PRR5: variants seen among roughly 807,000 people sequenced by gnomAD.
PRR5 encodes proline rich 5.
Under a neutral mutation model 30.6 loss-of-function variants are expected in PRR5, and 25 were observed. The ratio of observed to expected loss-of-function variants is 0.82; its 90% CI spans 0.60 to 1.14. The LOEUF (loss-of-function observed/expected upper bound fraction) is 1.14. Among genes scored for constraint, PRR5 ranks in the 50% most tolerant of loss-of-function variants. The pLI is 0.00. For synonymous variants in PRR5, 286 were observed against 247.1 expected (o/e 1.16, Z -1.48); for missense variants, 600 against 547.1 (o/e 1.10, Z -0.96).
intron 1 of PRR5, among the ~76,000 whole-genome samples, chr22:44,687,869 G>A (rs1181704313): frequency 1.3e-5 from 2 of 152,040 alleles, no homozygotes; most frequent in Non-Finnish European, 2.9e-5. Context: ...CCGCCTCCCG[G>A]GTTCAAGCGA....
chr22:44,701,824 G>T (rs1019873064), upstream of PRR5, among the ~76,000 whole-genome samples: 1 of 152,182 alleles, frequency 6.6e-6, no homozygotes, highest in Non-Finnish European at 1.5e-5. Context: ...GAGGGGTACG[G>T]AGGCACCTCT....
At chr22:44,705,799 T>C (rs2147027046) in intron 1 of PRR5, among the ~76,000 whole-genome samples, 1 of 149,660 alleles carries the variant, frequency 6.7e-6, no homozygotes, top group South Asian at 2.1e-4. Context: ...TAATTTTTGT[T>C]TTTGTTTTTG....
At chr22:44,720,762 TGGG>T (rs943870336) in intron 2 of PRR5, among the ~76,000 whole-genome samples, 1 of 152,004 alleles carries the variant, frequency 6.6e-6, no homozygotes, top group African/African-American at 2.4e-5. Context: ...ACCGTGCAAA[TGGG>T]GGGATGCTCA....
chr22:44,714,912 C>T (rs1238940622), intron 2 of PRR5, among the ~76,000 whole-genome samples: 2 of 152,228 alleles, frequency 1.3e-5, no homozygotes, highest in Non-Finnish European at 2.9e-5. Context: ...GGTGGCCCTG[C>T]ACCCCCACAG....
chr22:44,733,077 G>A (rs543843784), intron 6 of PRR5, among the ~76,000 whole-genome samples: 1 of 152,380 alleles, frequency 6.6e-6, no homozygotes, highest in East Asian at 1.9e-4. Flanking sequence ...CAGTGTCCCA[G>A]TCATTTCTGC....
intron 1 of PRR5, among the ~76,000 whole-genome samples, chr22:44,705,601 A>G (rs1018617679): frequency 6.6e-6 from 1 of 151,876 alleles, no homozygotes; most frequent in Non-Finnish European, 1.5e-5. Flanking sequence ...CTGGGATTAC[A>G]GGTGTGAGCC....
At chr22:44,674,160 C>CTT (rs879281909), upstream of PRR5, among the ~76,000 whole-genome samples, 1 of 142,486 alleles carries the variant, frequency 7.0e-6, no homozygotes. Flanking sequence ...GTTTTCTTTT[C>CTT]TTTTTTTTTT....
Position 44,718,192 on chromosome 22 carries a change from C to CTTTTTTTTTT in PRR5, c.215+3532_215+3541dup, listed in dbSNP as rs34868054. Among the ~76,000 whole-genome samples the CTTTTTTTTTT allele has an allele frequency of 7.1e-3, 672 of 94,560 alleles. 30 individuals are homozygous for CTTTTTTTTTT. The highest frequency in any genetic ancestry group is 8.4e-3 in the African/African-American group (197 of 23,504). The allele number at this position is 94,560 out of a possible 152,430, so 62.0% of individuals were successfully genotyped here. A position where few individuals can be genotyped will look rare whatever the true frequency, so the allele number is the denominator to read the frequency against. On this transcript the variant is annotated intron_variant, in intron 2 of 7. Transcript: ENST00000336985. ...TGTGTGGATGCACGTTTTCATCTCT[C>CTTTTTTTTTT]TTTTTTTTTTTTTTTTTTTTGAGAC... is the stretch of plus-strand genomic sequence containing the variant.
chr22:44,693,639 T>TTC (rs1925481817), intron 1 of PRR5, among the ~76,000 whole-genome samples: 2 of 139,892 alleles, frequency 1.4e-5, no homozygotes, highest in South Asian at 4.8e-4. Flanking sequence ...TTTTTTTTTT[T>TTC]CTGAGGTGGA....
At chr22:44,686,589 C>G (rs149570797) in intron 1 of PRR5, among the ~76,000 whole-genome samples, 8,245 of 152,186 alleles carry the variant, frequency 0.054, 393 homozygotes, top group African/African-American at 0.14. Flanking sequence ...TTGGCTCACT[C>G]ACTGCAACCT....
chr22:44,670,926 C>T (rs865842428), intron 1 of PRR5, among the ~76,000 whole-genome samples: 1 of 152,180 alleles, frequency 6.6e-6, no homozygotes, highest in Non-Finnish European at 1.5e-5. Context: ...TCTTCTGGGA[C>T]ATGTGTGAGA....
chr22:44,717,341 A>G (rs1005729951), intron 2 of PRR5, among the ~76,000 whole-genome samples: 5 of 151,370 alleles, frequency 3.3e-5, no homozygotes, highest in African/African-American at 1.2e-4. Flanking sequence ...ACAGGCACAC[A>G]TCACCACGCC....
upstream of PRR5, chr22:44,702,198 G>GC: frequency 9.5e-7 from 1 of 1,049,304 alleles, no homozygotes; most frequent in Non-Finnish European, 1.2e-6. Flanking sequence ...CCCCGGGTCC[G>GC]CCCCCGGCCT....
intron 1 of PRR5, among the ~76,000 whole-genome samples, chr22:44,702,998 G>C (rs1926591716): frequency 6.6e-6 from 1 of 152,328 alleles, no homozygotes; most frequent in South Asian, 2.1e-4. Context: ...GGCTGAGCAC[G>C]GGAGCCTCGG....
At chr22:44,694,322 G>A (rs1279561446) in intron 1 of PRR5, among the ~76,000 whole-genome samples, 1 of 152,214 alleles carries the variant, frequency 6.6e-6, no homozygotes, top group African/African-American at 2.4e-5. Context: ...TGGATCACTT[G>A]AGGTCAGAAG....
chr22:44,699,122 CTT>C (rs1926028083), upstream of PRR5, among the ~76,000 whole-genome samples: 1 of 152,220 alleles, frequency 6.6e-6, no homozygotes, highest in African/African-American at 2.4e-5. Context: ...TTAAAGATCT[CTT>C]TAAAATTCCT....
intron 1 of PRR5, among the ~76,000 whole-genome samples, chr22:44,708,670 G>T (rs779405045): frequency 6.6e-6 from 1 of 152,140 alleles, no homozygotes; most frequent in Admixed American, 6.6e-5. Flanking sequence ...AAACAGGCTC[G>T]GAATGGTACA....
chr22:44,731,245 G>GTGCAGGTCTCCTGA (rs1231195240), intron 4 of PRR5: 2 of 264,146 alleles, frequency 7.6e-6, no homozygotes, highest in Admixed American at 9.6e-5. Flanking sequence ...GGTCTTACCT[G>GTGCAGGTCTCCTGA]TGCAGGTCTC....
upstream of PRR5, among the ~76,000 whole-genome samples, chr22:44,674,232 G>T (rs150318161): frequency 6.6e-6 from 1 of 151,708 alleles, no homozygotes; most frequent in East Asian, 1.9e-4. Context: ...ACCACATTCC[G>T]GGTAGCTGGG....
Sources: gnomAD v4.1 joint callset for allele counts (sites outside exome capture counted in the v4.1 genomes callset) on GRCh38, gnomAD v4.1.1 for gene constraint, MANE v1.5 for transcripts, NCBI Gene and HGNC (gene_info 2026-07-23, HGNC 2026-07-21) for gene names.